PPM1L: variants seen among roughly 807,000 people sequenced by gnomAD.
PPM1L encodes protein phosphatase 1L.
Under a neutral mutation model 31.4 loss-of-function variants are expected in PPM1L, and 13 were observed. The observed-to-expected ratio is 0.41, with a 90% CI of 0.27 to 0.66. PPM1L has a LOEUF of 0.66. Ranked by LOEUF, PPM1L falls within the 30% of genes least tolerant of loss-of-function variation. PPM1L has a pLI of 0.29. For missense variants in PPM1L, 326 were observed against 453.7 expected (o/e 0.72, Z 2.56); for synonymous variants, 184 against 175.4 (o/e 1.05, Z -0.39).
intron 1 of PPM1L, among the ~76,000 whole-genome samples, chr3:160,872,064 G>A (rs11708813): frequency 0.37 from 56,476 of 152,014 alleles, 13,343 homozygotes; most frequent in Non-Finnish European, 0.53. Context: ...TTTGCCCAAA[G>A]CAAGACACTC....
chr3:160,828,232 G>A (rs1055792710), intron 1 of PPM1L, among the ~76,000 whole-genome samples: 1 of 152,028 alleles, frequency 6.6e-6, no homozygotes, highest in Non-Finnish European at 1.5e-5. Context: ...CAAATAGCAG[G>A]TATTAAGCTA....
At chr3:160,893,298 G>A (rs1214693182) in intron 1 of PPM1L, among the ~76,000 whole-genome samples, 1 of 152,178 alleles carries the variant, frequency 6.6e-6, no homozygotes, top group Non-Finnish European at 1.5e-5. Flanking sequence ...CTAAAGGAAT[G>A]TGTGTAAGTT....
At chr3:161,011,519 G>T (rs77594947) in intron 2 of PPM1L, among the ~76,000 whole-genome samples, 50,573 of 150,044 alleles carry the variant, frequency 0.34, 8,922 homozygotes, top group East Asian at 0.64. Context: ...TGGTTCCATA[G>T]GAACTTTAAA....
chr3:160,800,362 G>A (rs891539728), intron 1 of PPM1L, among the ~76,000 whole-genome samples: 3 of 152,038 alleles, frequency 2.0e-5, no homozygotes, highest in Non-Finnish European at 4.4e-5. Flanking sequence ...TCAATTCTTC[G>A]TGACCTTCAG....
intron 2 of PPM1L, among the ~76,000 whole-genome samples, chr3:161,004,954 T>C (rs554272189): frequency 6.6e-6 from 1 of 152,342 alleles, no homozygotes; most frequent in South Asian, 2.1e-4. Context: ...TTTGGGTCTT[T>C]CCTGCTTTCT....
rs1208891163 is a variant in PPM1L, at chr3:161,071,468, G to A, written c.*2311G>A. ...TCTTAACAGATGGTGCTGAGTGCAC[G>A]AGTTACATAACTTTCTCTCTAATTG... On this transcript the variant is annotated 3_prime_UTR_variant, in exon 4 of 4. Coordinates refer to ENST00000498165, the MANE Select transcript of PPM1L (RefSeq NM_139245.4). 1 of 152,150 alleles carries A rather than the reference G, an allele frequency of 6.6e-6. No homozygotes were observed. The highest frequency in any genetic ancestry group is 1.9e-4 in the East Asian group (1 of 5,200). 9.4% of individuals were successfully genotyped at this position (152,150 alleles called of 1,614,324 possible). A position where few individuals can be genotyped will look rare whatever the true frequency, so the allele number is the denominator to read the frequency against.
At chr3:160,910,600 C>T (rs930184063) in intron 1 of PPM1L, among the ~76,000 whole-genome samples, 2 of 152,144 alleles carry the variant, frequency 1.3e-5, no homozygotes, top group African/African-American at 2.4e-5. Flanking sequence ...CGTGAGCTAT[C>T]GCGCCTGGCC....
At chr3:160,763,760 G>C (rs185512289) in intron 1 of PPM1L, among the ~76,000 whole-genome samples, 1 of 152,286 alleles carries the variant, frequency 6.6e-6, no homozygotes, top group East Asian at 1.9e-4. Flanking sequence ...ATAGAAGTAT[G>C]GGGGGAGAGG....
chr3:160,780,992 A>G (rs1286011497), intron 1 of PPM1L, among the ~76,000 whole-genome samples: 1 of 152,162 alleles, frequency 6.6e-6, no homozygotes, highest in Non-Finnish European at 1.5e-5. Context: ...ATTTTAGTGA[A>G]GAAACTAATG....
intron 1 of PPM1L, among the ~76,000 whole-genome samples, chr3:160,808,848 C>T (rs1051517351): frequency 6.6e-6 from 1 of 152,168 alleles, no homozygotes; most frequent in Non-Finnish European, 1.5e-5. Flanking sequence ...TAGAGCAGCC[C>T]CTTTCTGAAG....
intron 1 of PPM1L, among the ~76,000 whole-genome samples, chr3:160,800,394 C>A (rs1042720184): frequency 3.3e-5 from 5 of 152,018 alleles, no homozygotes; most frequent in Non-Finnish European, 5.9e-5. Flanking sequence ...ATCTTTAATA[C>A]TTTTTTCCCC....
At chr3:161,039,000 A>T (rs890722052) in intron 2 of PPM1L, among the ~76,000 whole-genome samples, 7 of 152,152 alleles carry the variant, frequency 4.6e-5, no homozygotes, top group African/African-American at 1.7e-4. Flanking sequence ...CTACCCTCCC[A>T]CCAGCACCAT....
At chr3:160,827,694 C>A (rs1308645773) in intron 1 of PPM1L, among the ~76,000 whole-genome samples, 1 of 150,914 alleles carries the variant, frequency 6.6e-6, no homozygotes, top group Non-Finnish European at 1.5e-5. Flanking sequence ...CATACTCTAT[C>A]TAATTGACTA....
intron 1 of PPM1L, among the ~76,000 whole-genome samples, chr3:160,960,906 A>G (rs1236043063): frequency 1.3e-5 from 2 of 152,156 alleles, no homozygotes; most frequent in African/African-American, 2.4e-5. Context: ...TCTTTGGGAA[A>G]ATCTTTTCAA....
intron 2 of PPM1L, among the ~76,000 whole-genome samples, chr3:160,977,540 C>T (rs1716636772): frequency 6.6e-6 from 1 of 152,160 alleles, no homozygotes; most frequent in Admixed American, 6.6e-5. Context: ...CTGACTTATT[C>T]CTTACCTGAG....
chr3:160,922,516 C>G (rs1714450720), intron 1 of PPM1L, among the ~76,000 whole-genome samples: 1 of 152,188 alleles, frequency 6.6e-6, no homozygotes, highest in Non-Finnish European at 1.5e-5. Context: ...CCAGGTTCAT[C>G]ACTTATATCT....
At chr3:160,988,553 A>T (rs1348886818) in intron 2 of PPM1L, among the ~76,000 whole-genome samples, 2 of 152,206 alleles carry the variant, frequency 1.3e-5, no homozygotes, top group Non-Finnish European at 2.9e-5. Flanking sequence ...TGAGCATGTT[A>T]GGGTAGTAAG....
rs116404425 is a variant in PPM1L, at chr3:160,797,751, C to T, written c.399+41044C>T. ...CCACAACGTTCTCTTCAGCTAAAGC[C>T]TAATCCAGAGCAAGGCCCTAACTCT... On this transcript the variant is annotated intron_variant, in intron 1 of 3. Coordinates refer to ENST00000498165, the MANE Select transcript of PPM1L (RefSeq NM_139245.4). Among the ~76,000 whole-genome samples, 1,085 of 152,338 alleles carry T rather than the reference C, an allele frequency of 7.1e-3. 11 individuals are homozygous for T. Among genetic ancestry groups the T allele is most frequent in the African/African-American group, 0.025 (1,049 of 41,586 alleles).
intron 1 of PPM1L, among the ~76,000 whole-genome samples, chr3:160,959,295 G>C (rs1715878561): frequency 6.6e-6 from 1 of 152,248 alleles, no homozygotes; most frequent in African/African-American, 2.4e-5. Flanking sequence ...GGGGACATAA[G>C]GGGGAGGGTG....
Sources: gnomAD v4.1 joint callset for allele counts (sites outside exome capture counted in the v4.1 genomes callset) on GRCh38, gnomAD v4.1.1 for gene constraint, MANE v1.5 for transcripts, NCBI Gene and HGNC (gene_info 2026-07-23, HGNC 2026-07-21) for gene names.